The following SCN1A variants were observed in gnomAD, a reference collection of about 807,000 sequenced individuals.
The protein encoded by SCN1A is sodium channel protein type 1 subunit alpha.
In SCN1A, 13 loss-of-function variants were observed where a neutral mutation model predicts 193.7. That is an observed-to-expected ratio of 0.07 (90% CI 0.04 to 0.11). The LOEUF is 0.11. Ranked by LOEUF, SCN1A falls within the 10% of genes least tolerant of loss-of-function variation. The probability of loss-of-function intolerance (pLI) is 1.00; values close to 1 mark genes in which losing one functional copy is unlikely to be tolerated. For synonymous variants in SCN1A, 781 were observed against 843.6 expected (o/e 0.93, Z 1.29); for missense variants, 1,432 against 2,451.1 (o/e 0.58, Z 8.78).
Position 165,986,598 on chromosome 2 carries a change from AC to A in SCN1A, c.*4646del, listed in dbSNP as rs1395552707. The A allele has an allele frequency of 3.9e-5, 6 of 151,944 alleles. No homozygotes were observed. The highest frequency in any genetic ancestry group is 1.2e-4 in the African/African-American group (5 of 41,400). The allele number at this position is 151,944 out of a possible 1,614,324, so 9.4% of individuals were successfully genotyped here. A position where few individuals can be genotyped will look rare whatever the true frequency, so the allele number is the denominator to read the frequency against. ...CCAGTATATATTGAATTAATTACCA[AC>A]AGTAGATCTAATTTTGAAGGTAGAA... On this transcript the variant is annotated 3_prime_UTR_variant, in exon 29 of 29. Coordinates refer to ENST00000674923, the MANE Select transcript of SCN1A (RefSeq NM_001165963.4).
intron 2 of SCN1A, among the ~76,000 whole-genome samples, chr2:166,100,099 C>G (rs1444062488): frequency 7.5e-6 from 1 of 133,874 alleles, no homozygotes; most frequent in Admixed American, 7.8e-5. Context: ...ATCACACTAC[C>G]TGACTTCAAA....
intron 4 of SCN1A, among the ~76,000 whole-genome samples, chr2:166,061,178 T>A (rs79272989): frequency 0.028 from 4,213 of 152,162 alleles, 230 homozygotes; most frequent in African/African-American, 0.097. Flanking sequence ...TGATGCTGGC[T>A]CCTTGGCCAC....
chr2:166,075,380 T>C (rs949304705), intron 3 of SCN1A: 1 of 152,048 alleles, frequency 6.6e-6, no homozygotes, highest in African/African-American at 2.4e-5. Flanking sequence ...CATGAGTGTA[T>C]GTATACATAT....
chr2:166,091,779 C>T (rs2106086260), intron 2 of SCN1A, among the ~76,000 whole-genome samples: 1 of 152,324 alleles, frequency 6.6e-6, no homozygotes, highest in Non-Finnish European at 1.5e-5. Context: ...TTTCTTTCCC[C>T]ACGCCACTAG....
At chr2:166,026,836 A>G (rs1414993969) in intron 19 of SCN1A, among the ~76,000 whole-genome samples, 1 of 151,622 alleles carries the variant, frequency 6.6e-6, no homozygotes, top group Non-Finnish European at 1.5e-5. Context: ...GGTGCCCACC[A>G]CTGCACCCGG....
intron 19 of SCN1A, among the ~76,000 whole-genome samples, chr2:166,033,651 T>C (rs1050625291): frequency 1.3e-5 from 2 of 152,170 alleles, no homozygotes; most frequent in African/African-American, 4.8e-5. Context: ...TGTTCCAAGA[T>C]ATAAAATACC....
At chr2:166,133,659 T>C (rs570280559) in intron 1 of SCN1A, among the ~76,000 whole-genome samples, 1 of 152,338 alleles carries the variant, frequency 6.6e-6, no homozygotes, top group East Asian at 1.9e-4. Context: ...GGTTTATTTT[T>C]GATCTTTTCT....
intron 2 of SCN1A, among the ~76,000 whole-genome samples, chr2:166,095,539 T>G (rs1466859810): frequency 6.6e-6 from 1 of 152,204 alleles, no homozygotes; most frequent in Non-Finnish European, 1.5e-5. Flanking sequence ...CATGATCCCA[T>G]GATTCTCCTG....
intron 10 of SCN1A, among the ~76,000 whole-genome samples, chr2:166,048,135 T>C (rs1466101994): frequency 6.6e-6 from 1 of 152,176 alleles, no homozygotes; most frequent in African/African-American, 2.4e-5. Context: ...GGAACAGGAT[T>C]ACTCCTCTTT....
At chr2:166,012,081 C>G in intron 22 of SCN1A, 28 bp downstream of exon 22, 1 of 1,604,056 alleles carries the variant, frequency 6.2e-7, no homozygotes, top group Non-Finnish European at 8.5e-7. Flanking sequence ...CTACCTTGAA[C>G]AGAGACAAAA....
intron 2 of SCN1A, among the ~76,000 whole-genome samples, chr2:166,115,934 A>G (rs1407829948): frequency 6.6e-6 from 1 of 152,228 alleles, no homozygotes; most frequent in Non-Finnish European, 1.5e-5. Context: ...GAAATTAATC[A>G]TACTTGGGGA....
intron 4 of SCN1A, among the ~76,000 whole-genome samples, chr2:166,062,503 A>G (rs987454518): frequency 6.6e-6 from 1 of 152,174 alleles, no homozygotes; most frequent in African/African-American, 2.4e-5. Context: ...CTTGTTTCCA[A>G]GGACTCTCAG....
chr2:166,142,578 G>A (rs533389502), intron 1 of SCN1A, among the ~76,000 whole-genome samples: 5 of 152,284 alleles, frequency 3.3e-5, no homozygotes, highest in African/African-American at 9.6e-5. Context: ...CTCCCAGCAT[G>A]AGGTAACAAT....
In SCN1A at chr2:166,124,254, T is replaced by C. The variant is rs1403650969; in HGVS notation, c.-142+2670A>G. On this transcript the variant is annotated intron_variant, in intron 2 of 28. Transcript: ENST00000674923. ...TACAGGAGAGCTTTTTTTTTTTTAA[T>C]TTTTTAACAAATAGCCCGGTGTGAT... 2.6e-5 allele frequency among the ~76,000 whole-genome samples: 4 copies of C among 151,882 alleles called. No individual in the cohort carries two copies. The East Asian group carries it at 5.8e-4, about 22-fold the overall frequency.
At chr2:166,146,159 G>A (rs1459628674) in intron 1 of SCN1A, among the ~76,000 whole-genome samples, 1 of 152,152 alleles carries the variant, frequency 6.6e-6, no homozygotes, top group Non-Finnish European at 1.5e-5. Flanking sequence ...AGAGGATGAT[G>A]TAAGACTAAG....
chr2:166,072,789 T>TTTCC lies in SCN1A; in HGVS notation c.264+565_264+568dup, dbSNP rs3032639. On this transcript the variant is annotated intron_variant, in intron 4 of 28. Transcript: ENST00000674923. ...ATTTGTTAAATTAGCTGCCTCTTTC[T>TTTCC]TTCCTTCCTTCCTTCCTTCCTTCCT... is the stretch of plus-strand genomic sequence containing the variant. Among the ~76,000 whole-genome samples, 183 of 144,542 alleles carry TTTCC rather than the reference T, an allele frequency of 1.3e-3. 1 individual carries two copies. The highest frequency in any genetic ancestry group is 5.6e-3 in the South Asian group (26 of 4,606). The allele number at this position is 144,542 out of a possible 152,430, so 94.8% of individuals were successfully genotyped here. A position where few individuals can be genotyped will look rare whatever the true frequency, so the allele number is the denominator to read the frequency against.
At chr2:166,062,067 T>A (rs190415716) in intron 4 of SCN1A, among the ~76,000 whole-genome samples, 1 of 152,266 alleles carries the variant, frequency 6.6e-6, no homozygotes, top group Admixed American at 6.5e-5. Flanking sequence ...TTGCTTTAAT[T>A]TTTCATAAGA....
chr2:166,077,032 T>C (rs1272435887), intron 3 of SCN1A: 1 of 151,954 alleles, frequency 6.6e-6, no homozygotes, highest in Non-Finnish European at 1.5e-5. Context: ...ATATTTGAGT[T>C]CTGGAATATT....
At chr2:166,066,683 T>G (rs1420705730) in intron 4 of SCN1A, among the ~76,000 whole-genome samples, 3 of 152,144 alleles carry the variant, frequency 2.0e-5, no homozygotes, top group Non-Finnish European at 4.4e-5. Flanking sequence ...AGCTTCCTTC[T>G]GTCTGACACC....
Sources: allele counts gnomAD v4.1 joint callset (sites outside exome capture counted in the v4.1 genomes callset), GRCh38; gene constraint gnomAD v4.1.1; transcripts MANE v1.5; gene names NCBI Gene and HGNC (gene_info 2026-07-23, HGNC 2026-07-21).